Variants in PBRM1 observed in about 807,000 individuals in gnomAD.
PBRM1 encodes polybromo 1.
A neutral mutation model predicts 194.5 loss-of-function variants in PBRM1; 27 were observed. The observed-to-expected ratio is 0.14, with a 90% CI of 0.10 to 0.19. The LOEUF is 0.19. PBRM1 is among the 10% of genes least tolerant of loss of function. The probability of loss-of-function intolerance (pLI) is 1.00; values close to 1 mark genes in which losing one functional copy is unlikely to be tolerated. For synonymous variants in PBRM1, 655 were observed against 693.2 expected (o/e 0.94, Z 0.87); for missense variants, 1,466 against 2,077.2 (o/e 0.71, Z 5.72).
chr3:52,584,722 C>T (rs1028859802), intron 20 of PBRM1, among the ~76,000 whole-genome samples: 1 of 152,046 alleles, frequency 6.6e-6, no homozygotes, highest in Admixed American at 6.6e-5. Flanking sequence ...TCCCAAAGTT[C>T]TAGGATTACA....
intron 16 of PBRM1, among the ~76,000 whole-genome samples, chr3:52,607,112 T>C (rs2094388852): frequency 6.6e-6 from 1 of 152,338 alleles, no homozygotes; most frequent in Non-Finnish European, 1.5e-5. Flanking sequence ...CTGGGATGCC[T>C]AGCTTTGTTA....
intron 17 of PBRM1, among the ~76,000 whole-genome samples, chr3:52,597,851 GT>G (rs1333091953): frequency 1.3e-5 from 2 of 152,072 alleles, no homozygotes; most frequent in East Asian, 3.9e-4. Flanking sequence ...CTATAGGCAT[GT>G]ACCACCACAC....
At chr3:52,562,029 T>C in intron 24 of PBRM1, 61 bp from the exon 27 acceptor site, 1 of 1,399,342 alleles carries the variant, frequency 7.1e-7, no homozygotes, top group Non-Finnish European at 1.0e-6. Flanking sequence ...CTGCTCAAAA[T>C]TTCAGAAGCC....
At chr3:52,657,341 C>T (rs927751842) in intron 5 of PBRM1, among the ~76,000 whole-genome samples, 2 of 151,936 alleles carry the variant, frequency 1.3e-5, no homozygotes, top group African/African-American at 4.8e-5. Flanking sequence ...AAAATAATTA[C>T]CAATCAAAAA....
At chr3:52,627,074 C>T (rs939837155) in intron 13 of PBRM1, among the ~76,000 whole-genome samples, 199 bp downstream of exon 14, 15 of 151,510 alleles carry the variant, frequency 9.9e-5, no homozygotes, top group African/African-American at 3.4e-4. Context: ...TCATTTTCAT[C>T]TGGGTCATCT....
rs755241328 is a variant in PBRM1 at position 52,637,773 on chromosome 3, C to CAAAAAAAAAAAAAAAAAAAA, written c.1088-2978_1088-2959dup. On this transcript the variant is annotated intron_variant, in intron 10 of 29. Coordinates refer to ENST00000296302, the Ensembl canonical transcript of PBRM1. ...CAAAACCATGTCTCTACTAAAAATA[C>CAAAAAAAAAAAAAAAAAAAA]AAAAAAAAAAAAAAAAAAAAAAAAT... Among the ~76,000 whole-genome samples, 106 of 42,218 alleles carry CAAAAAAAAAAAAAAAAAAAA rather than the reference C, an allele frequency of 2.5e-3. 12 individuals carry two copies. Among genetic ancestry groups the CAAAAAAAAAAAAAAAAAAAA allele is most frequent in the Admixed American group, 7.9e-3 (23 of 2,926 alleles). The allele number at this position is 42,218 out of a possible 152,430, so 27.7% of individuals were successfully genotyped here.
At chr3:52,672,620 G>A (rs1420862957) in intron 2 of PBRM1, among the ~76,000 whole-genome samples, 14 of 148,588 alleles carry the variant, frequency 9.4e-5, no homozygotes, top group South Asian at 4.3e-4. Context: ...TCAGCCTCCC[G>A]AGTAGCTGAG....
chr3:52,551,955 A>T (rs371289810), intron 27 of PBRM1: 1 of 152,210 alleles, frequency 6.6e-6, no homozygotes, highest in Admixed American at 6.5e-5. Context: ...AAGGTTCAGA[A>T]TTGTTAAATG....
intron 12 of PBRM1, among the ~76,000 whole-genome samples, chr3:52,628,624 T>C (rs1236839992): frequency 1.3e-5 from 2 of 151,682 alleles, no homozygotes; most frequent in Non-Finnish European, 2.9e-5. Context: ...GCGTGTGCCA[T>C]CAGGACTGGC....
chr3:52,573,159 C>T (rs1401788569), intron 22 of PBRM1, among the ~76,000 whole-genome samples: 2 of 152,214 alleles, frequency 1.3e-5, no homozygotes, highest in African/African-American at 2.4e-5. Context: ...TTCTGGCCCA[C>T]TCCCTGGGTA....
chr3:52,558,062 C>T (rs147550813), intron 26 of PBRM1, among the ~76,000 whole-genome samples, 187 bp downstream of exon 28: 1,654 of 152,250 alleles, frequency 0.011, 13 homozygotes, highest in Non-Finnish European at 0.016. Flanking sequence ...GGGCCCAGGG[C>T]CCATTTCTGG....
chr3:52,587,570 CTTTTTTTTT>C (rs36056285), intron 18 of PBRM1, 60 bp from the exon 21 acceptor site: 3 of 731,654 alleles, frequency 4.1e-6, no homozygotes, highest in East Asian at 6.3e-5. Context: ...ACAGAAATCA[CTTTTTTTTT>C]TTTTTTTTTT....
intron 16 of PBRM1, among the ~76,000 whole-genome samples, chr3:52,608,876 G>C (rs1348938172): frequency 6.6e-6 from 1 of 151,658 alleles, no homozygotes; most frequent in African/African-American, 2.4e-5. Flanking sequence ...AACCCTCTGA[G>C]GTACTTAAAA....
upstream of PBRM1, among the ~76,000 whole-genome samples, chr3:52,684,535 A>G (rs1397813065): frequency 6.6e-6 from 1 of 152,202 alleles, no homozygotes; most frequent in African/African-American, 2.4e-5. Context: ...CAAGAAAAAA[A>G]CCACTCTTAA....
At chr3:52,570,909 G>A (rs1435547690) in intron 22 of PBRM1, among the ~76,000 whole-genome samples, 1 of 120,328 alleles carries the variant, frequency 8.3e-6, no homozygotes, top group African/African-American at 3.2e-5. Context: ...TTTTTTTTTT[G>A]GTAGAGTTTC....
At chr3:52,563,137 T>A in intron 24 of PBRM1, 146 bp downstream of exon 26, 1 of 497,672 alleles carries the variant, frequency 2.0e-6, no homozygotes, top group Non-Finnish European at 3.6e-6. Flanking sequence ...GAATAAATCA[T>A]GGCACTGACA....
chr3:52,567,218 A>T (rs1261527953), intron 22 of PBRM1, among the ~76,000 whole-genome samples: 1 of 152,180 alleles, frequency 6.6e-6, no homozygotes. Context: ...CACGGCTTGT[A>T]TGAATGTACT....
At chr3:52,644,583 C>T in intron 8 of PBRM1, 121 bp downstream of exon 9, 1 of 427,886 alleles carries the variant, frequency 2.3e-6, no homozygotes, top group Non-Finnish European at 4.2e-6. Context: ...TGGGGTTTCA[C>T]CATGTTGGCC....
rs766395999 is a variant in PBRM1, at chr3:52,678,611, A to G, written c.139-14T>C. ...GCACACGGCAATCTACACATTAGCA[A>G]AGGAGAAAAAAATCACTAAAAAAGT... On this transcript the variant is annotated splice_polypyrimidine_tract_variant and intron_variant, in intron 1 of 29. Transcript: ENST00000296302. 3 of 1,530,756 alleles carry G rather than the reference A, an allele frequency of 2.0e-6. No individual in the cohort carries two copies. In the African/African-American group the frequency reaches 4.1e-5, roughly 21 times the overall value. 94.8% of individuals were successfully genotyped at this position (1,530,756 alleles called of 1,614,324 possible).
Sources: allele counts gnomAD v4.1 joint callset (sites outside exome capture counted in the v4.1 genomes callset), GRCh38; gene constraint gnomAD v4.1.1; transcripts MANE v1.5; gene names NCBI Gene and HGNC (gene_info 2026-07-23, HGNC 2026-07-21).